MYO16: variants seen among roughly 807,000 people sequenced by gnomAD.
The protein encoded by MYO16 is myosin XVI.
A neutral mutation model predicts 205.3 loss-of-function variants in MYO16; 94 were observed. The ratio of observed to expected loss-of-function variants is 0.46; its 90% confidence interval spans 0.39 to 0.54. The LOEUF is 0.54. Among genes scored for constraint, MYO16 ranks in the 20% least tolerant of loss-of-function variants. The pLI, the probability that MYO16 is intolerant of heterozygous loss-of-function variation, is 0.00. For missense variants in MYO16, 2,315 were observed against 2,387.5 expected, an observed-to-expected ratio of 0.97 and a Z score of 0.63; for synonymous variants, 988 against 954.0, an observed-to-expected ratio of 1.04 and a Z score of -0.66.
intron 16 of MYO16, among the ~76,000 whole-genome samples, chr13:108,922,543 G>A (rs971504310): frequency 5.3e-5 from 8 of 152,120 alleles, no homozygotes; most frequent in African/African-American, 7.2e-5. Flanking sequence ...CTTTCTTCAC[G>A]TCTAAAATCC....
intron 32 of MYO16, among the ~76,000 whole-genome samples, chr13:109,153,908 G>A (rs1273932173): frequency 3.9e-5 from 6 of 152,188 alleles, no homozygotes; most frequent in African/African-American, 1.4e-4. Context: ...GGAAGCTTAG[G>A]CTCAGCCTTT....
intron 10 of MYO16, among the ~76,000 whole-genome samples, chr13:108,854,925 G>A (rs562307181): frequency 1.3e-5 from 2 of 152,300 alleles, no homozygotes; most frequent in East Asian, 3.9e-4. Context: ...ATGTAGAGCA[G>A]AATAGAAAGA....
At chr13:109,189,975 CAA>C (rs1879844012) in intron 34 of MYO16, among the ~76,000 whole-genome samples, 1 of 151,212 alleles carries the variant, frequency 6.6e-6, no homozygotes, top group Admixed American at 6.6e-5. Context: ...GTATTTTATA[CAA>C]AGTTTTAGTT....
intron 15 of MYO16, among the ~76,000 whole-genome samples, chr13:108,899,009 T>G (rs1436289701): frequency 2.0e-5 from 3 of 152,218 alleles, no homozygotes; most frequent in Non-Finnish European, 2.9e-5. Context: ...TTACCCTATT[T>G]TCCCTTCAGG....
intron 7 of MYO16, among the ~76,000 whole-genome samples, chr13:108,819,080 A>G (rs1047386462): frequency 2.6e-5 from 4 of 152,182 alleles, no homozygotes; most frequent in Non-Finnish European, 5.9e-5. Context: ...TGCTGTCCAA[A>G]CTGATATCCC....
chr13:108,965,669 G>T (rs370841270), intron 20 of MYO16, among the ~76,000 whole-genome samples: 1 of 152,250 alleles, frequency 6.6e-6, no homozygotes, highest in Non-Finnish European at 1.5e-5. Flanking sequence ...GCCTCCCAAA[G>T]TGCTGGGATT....
intron 23 of MYO16, among the ~76,000 whole-genome samples, chr13:109,028,126 ACTCC>A (rs1886423380): frequency 1.3e-5 from 2 of 151,882 alleles, no homozygotes; most frequent in Non-Finnish European, 2.9e-5. Flanking sequence ...AGGTACAACC[ACTCC>A]CATTATATTA....
intron 21 of MYO16, among the ~76,000 whole-genome samples, chr13:109,006,560 CA>C (rs1885393502): frequency 6.6e-6 from 1 of 152,070 alleles, no homozygotes; most frequent in African/African-American, 2.4e-5. Context: ...TATTTTTTAA[CA>C]AAAGCTTTCG....
intron 23 of MYO16, among the ~76,000 whole-genome samples, chr13:109,022,170 T>C (rs1440604063): frequency 7.1e-6 from 1 of 141,374 alleles, no homozygotes; most frequent in Non-Finnish European, 1.5e-5. Context: ...TATATACAAA[T>C]ATATATTTAT....
At chr13:108,580,972 A>G in the MYO16 span, among the ~76,000 whole-genome samples, 1 of 152,232 alleles carries the variant, frequency 6.6e-6, no homozygotes, top group Non-Finnish European at 1.5e-5. Flanking sequence ...ATAAGCCTTC[A>G]GCAAGCATGT....
Position 109,021,389 on chromosome 13 carries a change from C to G in MYO16, c.2796+1478C>G, listed in dbSNP as rs575169728. 2.3e-4 allele frequency among the ~76,000 whole-genome samples: 35 copies of G among 152,270 alleles called. No homozygotes were observed. The South Asian group carries it at 7.3e-3, about 32-fold the overall frequency. On this transcript the variant is annotated intron_variant, in intron 23 of 34. Coordinates refer to ENST00000457511, the MANE Select transcript of MYO16 (RefSeq NM_001198950.3). Reference sequence around the variant, plus strand: ...CAAGTAGCGTGTGCAAACCCTAGCACTCAACATCAAAGGAGTGAGGGACTA... The same window carrying G: ...CAAGTAGCGTGTGCAAACCCTAGCAGTCAACATCAAAGGAGTGAGGGACTA...
At chr13:109,061,483 G>A (rs1367661) in intron 27 of MYO16, among the ~76,000 whole-genome samples, 75,223 of 151,944 alleles carry the variant, frequency 0.5, 18,646 homozygotes, top group Middle Eastern at 0.55. Context: ...TTATTAATTA[G>A]TCTGATTTTA....
the MYO16 span, among the ~76,000 whole-genome samples, chr13:108,509,532 T>C: frequency 2.0e-5 from 3 of 152,224 alleles, no homozygotes; most frequent in African/African-American, 7.2e-5. Flanking sequence ...TTCCTCATAA[T>C]GTAGTAACCA....
chr13:108,642,173 C>A (rs1370343377), intron 1 of MYO16, among the ~76,000 whole-genome samples: 2 of 152,148 alleles, frequency 1.3e-5, no homozygotes, highest in Non-Finnish European at 2.9e-5. Context: ...GTTATTCTTT[C>A]CTTTATCCAT....
chr13:108,852,347 G>T (rs761137762), intron 10 of MYO16, among the ~76,000 whole-genome samples: 51 of 152,146 alleles, frequency 3.4e-4, no homozygotes, highest in Non-Finnish European at 5.0e-4. Context: ...TTGAATAGAT[G>T]TCATCAGATG....
chr13:109,016,780 A>C (rs1006822060), intron 22 of MYO16, among the ~76,000 whole-genome samples: 3 of 150,430 alleles, frequency 2.0e-5, no homozygotes, highest in Non-Finnish European at 3.0e-5. Context: ...AAGTATTGCA[A>C]ATGCTGCTTT....
chr13:108,654,527 C>T (rs572558313), intron 1 of MYO16, among the ~76,000 whole-genome samples: 4 of 152,178 alleles, frequency 2.6e-5, no homozygotes, highest in Middle Eastern at 3.4e-3. Flanking sequence ...ATCAGCAGCA[C>T]GAAAATTGAC....
chr13:108,846,759 G>C (rs1292670636), intron 10 of MYO16, among the ~76,000 whole-genome samples: 1 of 151,786 alleles, frequency 6.6e-6, no homozygotes, highest in Non-Finnish European at 1.5e-5. Context: ...ATGTATTTTT[G>C]TTTTTACTGG....
At chr13:109,201,975 C>A (rs113261005) in intron 34 of MYO16, among the ~76,000 whole-genome samples, 1 of 150,778 alleles carries the variant, frequency 6.6e-6, no homozygotes, top group African/African-American at 2.4e-5. Flanking sequence ...TATATATGTA[C>A]ACACACACAC....
Sources: allele counts gnomAD v4.1 joint callset (sites outside exome capture counted in the v4.1 genomes callset), GRCh38; gene constraint gnomAD v4.1.1; transcripts MANE v1.5; gene names NCBI Gene and HGNC (gene_info 2026-07-23, HGNC 2026-07-21).